The following RBBP6 variants were observed in gnomAD, a reference collection of about 807,000 sequenced individuals.
The protein encoded by RBBP6 is E3 ubiquitin-protein ligase RBBP6.
A neutral mutation model predicts 167.7 loss-of-function variants in RBBP6; 25 were observed. The ratio of observed to expected loss-of-function variants is 0.15; its 90% confidence interval spans 0.11 to 0.21. RBBP6 has a LOEUF of 0.21. Ranked by LOEUF, RBBP6 falls within the 10% of genes least tolerant of loss-of-function variation. RBBP6 has a pLI of 1.00. For missense variants in RBBP6, 1,868 were observed against 2,134.2 expected, an observed-to-expected ratio of 0.88 and a Z score of 2.46; for synonymous variants, 789 against 735.8, an observed-to-expected ratio of 1.07 and a Z score of -1.17.
intron 1 of RBBP6, among the ~76,000 whole-genome samples, chr16:24,542,798 AT>A (rs1238579380): frequency 6.6e-6 from 1 of 152,208 alleles, no homozygotes; most frequent in African/African-American, 2.4e-5. Context: ...CTGTCCGGAA[AT>A]TTAAGAGTTT....
chr16:24,562,129 A>C lies in RBBP6; in HGVS notation c.1257A>C (p.Ser419=), dbSNP rs1567276951. 4 of 1,612,602 alleles carry C rather than the reference A, an allele frequency of 2.5e-6. No individual in the cohort carries two copies. In the South Asian group the frequency reaches 4.4e-5, roughly 18 times the overall value. The change falls in exon 10 of 18, where the codon TCA becomes TCC. Residue 419 remains serine, a synonymous_variant. Transcript: ENST00000319715. ...ATATAACTGCAACAGTATCCATATC[A>C]GTTCATTCAGAAAAATCAGATGGAC... is the stretch of plus-strand genomic sequence containing the variant. ...VPDITATVSI[S]VHSEKSDGPF...
intron 1 of RBBP6, among the ~76,000 whole-genome samples, chr16:24,543,250 C>T (rs925127568): frequency 1.1e-4 from 16 of 150,404 alleles, no homozygotes; most frequent in Non-Finnish European, 1.6e-4. Context: ...AAAACATTTC[C>T]TTACAGTTTT....
rs1398680768 is a variant in RBBP6 at position 24,562,133 on chromosome 16, C to T, written c.1261C>T (p.His421Tyr). The T allele has an allele frequency of 5.0e-6, 8 of 1,612,174 alleles. No individual in the cohort carries two copies. The highest frequency in any genetic ancestry group is 6.8e-6 in the Non-Finnish European group (8 of 1,178,916). The part of the protein sequence containing the change: ...DITATVSISV[H>Y]SEKSDGPFRD... The stretch of plus-strand genomic sequence containing the variant: ...AACTGCAACAGTATCCATATCAGTT[C>T]ATTCAGAAAAATCAGATGGACCTTT... Residue 421 changes from histidine (H) to tyrosine (Y), a missense_variant, in exon 10 of 18, where the codon CAT becomes TAT. His to Tyr is a moderately conservative substitution (Grantham distance 83, BLOSUM62 2). Coordinates refer to ENST00000319715, the MANE Select transcript of RBBP6 (RefSeq NM_006910.5).
In RBBP6 at chr16:24,548,033, G is replaced by GT. The variant is rs138805241; in HGVS notation, c.267-902dup. On this transcript the variant is annotated intron_variant, in intron 2 of 17. Coordinates refer to ENST00000319715, the MANE Select transcript of RBBP6 (RefSeq NM_006910.5). The stretch of plus-strand genomic sequence containing the variant: ...GCAAATACTAGAAAATCAAAGCTCA[G>GT]TTTTTTTTTTATCTCAAATTCCAAA... Among the ~76,000 whole-genome samples the GT allele has an allele frequency of 3.1e-3, 459 of 149,416 alleles. 2 individuals carry two copies. Among genetic ancestry groups the GT allele is most frequent in the Non-Finnish European group, 4.3e-3 (287 of 67,204 alleles).
chr16:24,566,721 G>A (rs1330323651), intron 14 of RBBP6, among the ~76,000 whole-genome samples: 4 of 152,152 alleles, frequency 2.6e-5, no homozygotes, highest in African/African-American at 7.2e-5. Context: ...CAGCCTGGAC[G>A]ACAGAGTGAG....
intron 2 of RBBP6, among the ~76,000 whole-genome samples, chr16:24,547,472 T>C (rs939776326): frequency 1.3e-5 from 2 of 152,194 alleles, no homozygotes; most frequent in African/African-American, 2.4e-5. Context: ...TTTTGTTTTG[T>C]TTTTTCCTGA....
intron 8 of RBBP6, 88 bp downstream of exon 8, chr16:24,559,765 A>G: frequency 1.8e-6 from 2 of 1,134,286 alleles, no homozygotes; most frequent in Admixed American, 6.1e-5. Flanking sequence ...ATGTTTTAAT[A>G]ATAAAATAAA....
intron 11 of RBBP6, 29 bp downstream of exon 11, chr16:24,563,324 AT>A (rs139004713): frequency 0.27 from 414,655 of 1,552,978 alleles, 57,074 homozygotes; most frequent in Non-Finnish European, 0.28. Flanking sequence ...TTAATTTGGG[AT>A]TTTTTTTACA....
chr16:24,564,127 T>C (rs1899138245), intron 13 of RBBP6, among the ~76,000 whole-genome samples: 1 of 152,200 alleles, frequency 6.6e-6, no homozygotes, highest in Non-Finnish European at 1.5e-5. Context: ...AATCGAGTTG[T>C]TCTTGCCACC....
Position 24,570,066 on chromosome 16 carries a change from A to G in RBBP6, c.3376A>G (p.Lys1126Glu). The G allele has an allele frequency of 6.2e-7, 1 of 1,608,464 alleles. No individual in the cohort carries two copies. Among genetic ancestry groups the G allele is most frequent in the South Asian group, 1.1e-5 (1 of 89,354 alleles). The change falls in exon 17 of 18, where the codon AAG (lysine) becomes GAG (glutamate). Residue 1126 changes from lysine (K) to glutamate (E), a missense_variant. Around this residue, in one of 7 missense-constraint regions of RBBP6, gnomAD observed 673 missense variants for 691.5 expected, o/e 0.97. Transcript: ENST00000319715. Reference sequence around the variant, plus strand: ...TGTCAAATCAGAAAAGCTAACAACTAAGGAAGAAAAGGCCAAGAAGCCTAA... The same window carrying G: ...TGTCAAATCAGAAAAGCTAACAACTGAGGAAGAAAAGGCCAAGAAGCCTAA... Reference protein sequence around the residue: ...KDVKSEKLTTKEEKAKKPNEK... With the variant: ...KDVKSEKLTTEEEKAKKPNEK...
At chr16:24,541,204 C>CAAAAAAAAAAAAAAAAAAAAAAAA (rs1491180757) in intron 1 of RBBP6, among the ~76,000 whole-genome samples, 1 of 81,660 alleles carries the variant, frequency 1.2e-5, no homozygotes, top group African/African-American at 4.2e-5. Flanking sequence ...AAAAAAAAAA[C>CAAAAAAAAAAAAAAAAAAAAAAAA]CAAAAAAACA....
In RBBP6 at chr16:24,559,507, A is replaced by T; in HGVS notation, c.677A>T (p.Glu226Val). The T allele has an allele frequency of 6.3e-7, 1 of 1,592,602 alleles. No individual in the cohort carries two copies. Among genetic ancestry groups the T allele is most frequent in the Non-Finnish European group, 8.5e-7 (1 of 1,171,488 alleles). The change falls in exon 8 of 18, where the codon GAA becomes GTA. Residue 226 changes from glutamate (E) to valine (V), a missense_variant and splice_region_variant. By Grantham distance (121) the Glu-to-Val change is moderately radical. Coordinates refer to ENST00000319715, the MANE Select transcript of RBBP6 (RefSeq NM_006910.5). ...AACATGAAAACTTTCTTTTACAGAG[A>T]AGCATATGCAATTGGGAAGAAAGAG... The part of the protein sequence containing the change: ...GKYAIPTIDA[E>V]AYAIGKKEKP...
Position 24,569,925 on chromosome 16 carries a change from CAGA to C in RBBP6, c.3238_3240del (p.Lys1080del). The C allele has an allele frequency of 6.2e-7, 1 of 1,604,456 alleles. No homozygotes were observed. Among genetic ancestry groups the C allele is most frequent in the Non-Finnish European group, 8.5e-7 (1 of 1,177,780 alleles). On this transcript the variant is annotated inframe_deletion, in exon 17 of 18. Transcript: ENST00000319715. ...CAATACTAAATCATCATCTTCCTCT[CAGA>C]AGGATGAAAAAATCACTGGAACCCC... is the stretch of plus-strand genomic sequence containing the variant.
In RBBP6 at chr16:24,570,364, T is replaced by C; in HGVS notation, c.3674T>C (p.Ile1225Thr). 6.2e-7 allele frequency: 1 copy of C among 1,613,058 alleles called. No homozygotes were observed. Among genetic ancestry groups the C allele is most frequent in the Non-Finnish European group, 8.5e-7 (1 of 1,179,812 alleles). Reference sequence around the variant, plus strand: ...AAGAAAATTGGAAGTACAGAAAATATATCAAACACAAAAGAACCCTCTGAA... The same window carrying C: ...AAGAAAATTGGAAGTACAGAAAATACATCAAACACAAAAGAACCCTCTGAA... ...TGKKIGSTEN[I>T]SNTKEPSEKL... is the part of the protein sequence containing the mutation. The change falls in exon 17 of 18, where the codon ATA (isoleucine) becomes ACA (threonine). Residue 1225 changes from isoleucine to threonine, a missense_variant. Around this residue, in one of 7 missense-constraint regions of RBBP6, gnomAD observed 673 missense variants for 691.5 expected, o/e 0.97. Coordinates refer to ENST00000319715, the MANE Select transcript of RBBP6 (RefSeq NM_006910.5).
chr16:24,557,262 A>G (rs77129789), intron 7 of RBBP6, among the ~76,000 whole-genome samples: 1 of 152,150 alleles, frequency 6.6e-6, no homozygotes, highest in Middle Eastern at 3.2e-3. Flanking sequence ...GATTACAGGC[A>G]TGAGCCACCA....
Position 24,569,018 on chromosome 16 carries a change from T to C in RBBP6, c.2328T>C (p.Phe776=). Residue 776 remains phenylalanine, a synonymous_variant, in exon 17 of 18, where the codon TTT becomes TTC. Coordinates refer to ENST00000319715, the MANE Select transcript of RBBP6 (RefSeq NM_006910.5). Reference sequence around the variant, plus strand: ...CACGATCAAGATCTCCTCAAGCGTTTAGGGGACAGTCTCCTAATAAACGTA... The same window carrying C: ...CACGATCAAGATCTCCTCAAGCGTTCAGGGGACAGTCTCCTAATAAACGTA... ...YHSRSRSPQA[F]RGQSPNKRNV... is the part of the protein sequence containing the mutation. 6.2e-7 allele frequency: 1 copy of C among 1,614,214 alleles called. No homozygotes were observed. The highest frequency in any genetic ancestry group is 8.5e-7 in the Non-Finnish European group (1 of 1,180,028).
intron 3 of RBBP6, among the ~76,000 whole-genome samples, chr16:24,550,343 G>GAT (rs1453348671): frequency 2.7e-5 from 4 of 148,460 alleles, no homozygotes; most frequent in Non-Finnish European, 4.5e-5. Flanking sequence ...CCTCTTTTTG[G>GAT]ATATGGGGTG....
At chr16:24,564,285 C>T (rs2141474088) in intron 13 of RBBP6, among the ~76,000 whole-genome samples, 1 of 152,230 alleles carries the variant, frequency 6.6e-6, no homozygotes, top group South Asian at 2.1e-4. Context: ...GTATGAGTTA[C>T]TAGCAGGATG....
intron 1 of RBBP6, 83 bp downstream of exon 1, chr16:24,540,875 TTA>T (rs1898468049): frequency 6.7e-7 from 1 of 1,503,624 alleles, no homozygotes; most frequent in East Asian, 2.3e-5. Flanking sequence ...CTAACCGCCA[TTA>T]TGTCTCTAGT....
Sources: allele counts gnomAD v4.1 joint callset (sites outside exome capture counted in the v4.1 genomes callset), GRCh38; gene constraint gnomAD v4.1.1; regional missense constraint gnomAD v4.1.1; transcripts MANE v1.5; gene names NCBI Gene and HGNC (gene_info 2026-07-23, HGNC 2026-07-21).